PKHD1: variants seen among roughly 807,000 people sequenced by gnomAD.
The protein encoded by PKHD1 is fibrocystin.
A neutral mutation model predicts 412.0 loss-of-function variants in PKHD1; 291 were observed. The ratio of observed to expected loss-of-function variants is 0.71; its 90% confidence interval spans 0.64 to 0.78. PKHD1 has a LOEUF of 0.78. PKHD1 is among the 30% of genes least tolerant of loss of function. The probability of loss-of-function intolerance (pLI) is 0.00; values close to 1 mark genes in which losing one functional copy is unlikely to be tolerated. For missense variants in PKHD1, 4,825 were observed against 4,950.7 expected, an observed-to-expected ratio of 0.97 and a Z score of 0.76; for synonymous variants, 1,777 against 1,821.5, an observed-to-expected ratio of 0.98 and a Z score of 0.62.
intron 64 of PKHD1, among the ~76,000 whole-genome samples, chr6:51,633,533 A>G (rs928223289): frequency 6.6e-6 from 1 of 152,178 alleles, no homozygotes; most frequent in African/African-American, 2.4e-5. Context: ...CTCAGCCAAA[A>G]AAGAAAGAAA....
At chr6:52,017,180 T>A (rs1800665638) in intron 34 of PKHD1, among the ~76,000 whole-genome samples, 1 of 152,232 alleles carries the variant, frequency 6.6e-6, no homozygotes, top group Non-Finnish European at 1.5e-5. Flanking sequence ...CAAAGCGAGC[T>A]GTTTACTGGG....
chr6:52,062,659 G>T lies in PKHD1; in HGVS notation c.978C>A (p.Gly326=). 1 of 1,614,052 alleles carries T rather than the reference G, an allele frequency of 6.2e-7. No homozygotes were observed. The highest frequency in any genetic ancestry group is 8.5e-7 in the Non-Finnish European group (1 of 1,179,940). Residue 326 remains glycine (G), a splice_region_variant and synonymous_variant, in exon 14 of 67, where the codon GGC becomes GGA. Transcript: ENST00000371117. The part of the protein sequence containing the change: ...KDVRLTTPQP[G]NRGLLFEVGD... ...CAACTTCAAAAAGAAGCCCTCGATT[G>T]CCTGTAAGACATGTAGATCGCATAA...
At chr6:51,899,066 C>T (rs1051512843) in intron 43 of PKHD1, among the ~76,000 whole-genome samples, 1 of 152,216 alleles carries the variant, frequency 6.6e-6, no homozygotes, top group African/African-American at 2.4e-5. Context: ...GGCAGATTCA[C>T]AGCCGAATTC....
intron 35 of PKHD1, among the ~76,000 whole-genome samples, chr6:51,985,992 G>A (rs1796165976): frequency 6.6e-6 from 1 of 152,050 alleles, no homozygotes; most frequent in South Asian, 2.1e-4. Context: ...TTCACAAATG[G>A]TACCGGTCAT....
rs1385935333 is a variant in PKHD1, at chr6:51,638,903, C to T, written c.11452G>A (p.Val3818Ile). 2 of 1,613,310 alleles carry T rather than the reference C, an allele frequency of 1.2e-6. No homozygotes were observed. Among genetic ancestry groups the T allele is most frequent in the African/African-American group, 2.7e-5 (2 of 74,796 alleles). The change falls in exon 64 of 67, where the codon GTC (valine) becomes ATC (isoleucine). Residue 3818 changes from valine to isoleucine, a missense_variant. Val to Ile is a conservative substitution (Grantham distance 29). Coordinates refer to ENST00000371117, the MANE Select transcript of PKHD1 (RefSeq NM_138694.4). Reference sequence around the variant, plus strand: ...TGCCAGTTTGACCCAGAGATCAAGACTGCCAAGTTGTAGAAGCTAACATAA... The same window carrying T: ...TGCCAGTTTGACCCAGAGATCAAGATTGCCAAGTTGTAGAAGCTAACATAA... ...DGYVSFYNLA[V>I]LISGSNWHFI...
intron 21 of PKHD1, 33 bp downstream of exon 21, chr6:52,053,043 C>A: frequency 6.2e-7 from 1 of 1,605,434 alleles, no homozygotes; most frequent in South Asian, 1.1e-5. Flanking sequence ...GGCATGTGAC[C>A]GGCTTGTGGA....
chr6:51,782,000 T>C (rs1346343511), intron 53 of PKHD1, among the ~76,000 whole-genome samples: 1 of 151,650 alleles, frequency 6.6e-6, no homozygotes, highest in Non-Finnish European at 1.5e-5. Flanking sequence ...TCACTAGCTT[T>C]CCTAAAATTA....
intron 18 of PKHD1, among the ~76,000 whole-genome samples, chr6:52,056,430 C>T (rs1376391943): frequency 1.3e-5 from 2 of 151,954 alleles, no homozygotes; most frequent in East Asian, 1.9e-4. Context: ...CTTTTCCCAC[C>T]GTGTGGCATG....
rs1456178464 is a variant in PKHD1 at position 51,929,226 on chromosome 6, T to A, written c.6121+4884A>T. Among the ~76,000 whole-genome samples, 3 of 152,088 alleles carry A rather than the reference T, an allele frequency of 2.0e-5. No homozygotes were observed. In the South Asian group the frequency reaches 6.2e-4, roughly 32 times the overall value. ...ACCCTACATCAAAGAACAGACTTTATAGAAAATGTCCCAGAGCTAAATCAG... is the reference window on the plus strand; with the variant it reads ...ACCCTACATCAAAGAACAGACTTTAAAGAAAATGTCCCAGAGCTAAATCAG... On this transcript the variant is annotated intron_variant, in intron 37 of 66. Transcript: ENST00000371117.
At chr6:51,635,517 C>T (rs1413610217) in intron 64 of PKHD1, among the ~76,000 whole-genome samples, 1 of 152,110 alleles carries the variant, frequency 6.6e-6, no homozygotes, top group Non-Finnish European at 1.5e-5. Flanking sequence ...TAATGTCAAA[C>T]TAAGCAGAAT....
At position 51,868,962 on chromosome 6, in the gene PKHD1, C is replaced by G. The variant is rs377714452; in HGVS notation, c.7487-853G>C. On this transcript the variant is annotated intron_variant, in intron 47 of 66. Transcript: ENST00000371117. ...AAGGAAGAAAACTAAGTACACATCT[C>G]CCAGTACACATACTACCATACCATA... is the stretch of plus-strand genomic sequence containing the variant. Among the ~76,000 whole-genome samples, 46 of 151,936 alleles carry G rather than the reference C, an allele frequency of 3.0e-4. No homozygotes were observed. The East Asian group carries it at 6.6e-3, about 22-fold the overall frequency.
At chr6:51,867,235 T>C (rs559405949) in intron 48 of PKHD1, among the ~76,000 whole-genome samples, 37 of 152,262 alleles carry the variant, frequency 2.4e-4, no homozygotes, top group Admixed American at 2.3e-3. Flanking sequence ...CATTCAGCAA[T>C]CATTACCTGG....
Position 51,775,794 on chromosome 6 carries a change from T to C in PKHD1, c.8554+14A>G. On this transcript the variant is annotated intron_variant, in intron 54 of 66. Transcript: ENST00000371117. ...TGCATTTTATTTTTAATAAAAACTA[T>C]ATTATACTCTTACCAATTGTTCCTG... 1.7e-6 allele frequency: 2 copies of C among 1,177,652 alleles called. No individual in the cohort carries two copies. The highest frequency in any genetic ancestry group is 2.5e-6 in the Non-Finnish European group (2 of 785,274). The allele number at this position is 1,177,652 out of a possible 1,614,324, so 73.0% of individuals were successfully genotyped here. A position where few individuals can be genotyped will look rare whatever the true frequency, so the allele number is the denominator to read the frequency against.
chr6:51,943,099 C>T (rs1311843120), intron 36 of PKHD1, among the ~76,000 whole-genome samples: 2 of 151,568 alleles, frequency 1.3e-5, no homozygotes, highest in African/African-American at 4.8e-5. Context: ...GGGCTTCCCA[C>T]CTCTATACAG....
chr6:52,043,285 C>A, intron 26 of PKHD1, 151 bp from the exon 27 acceptor site: 1 of 675,728 alleles, frequency 1.5e-6, no homozygotes, highest in South Asian at 1.9e-5. Context: ...TAAATATTGG[C>A]CATCTGTATT....
Position 51,909,393 on chromosome 6 carries a change from G to T in PKHD1, c.6572C>A (p.Ser2191Tyr). ...RDMGARVIVQSFPEEPSQVQL... is the reference protein window; with the variant it reads ...RDMGARVIVQYFPEEPSQVQL... ...GACCTGGCTGGGCTCTTCTGGGAAG[G>T]ACTGAACGATCACTCTGGCTCCCAT... The change falls in exon 40 of 67, where the codon TCC becomes TAC. Residue 2191 changes from serine to tyrosine, a missense_variant. Physicochemically the swap from Ser to Tyr is moderately radical, Grantham distance 144. Transcript: ENST00000371117. 1 of 1,613,354 alleles carries T rather than the reference G, an allele frequency of 6.2e-7. No homozygotes were observed. Among genetic ancestry groups the T allele is most frequent in the South Asian group, 1.1e-5 (1 of 91,066 alleles).
At chr6:51,899,745 C>T (rs1425254875) in intron 43 of PKHD1, among the ~76,000 whole-genome samples, 3 of 152,224 alleles carry the variant, frequency 2.0e-5, no homozygotes, top group African/African-American at 4.8e-5. Flanking sequence ...TTACAGAAGA[C>T]ATGATTGTAT....
At chr6:51,649,391 T>C (rs1458632313) in intron 61 of PKHD1, among the ~76,000 whole-genome samples, 171 bp from the exon 62 acceptor site, 2 of 152,182 alleles carry the variant, frequency 1.3e-5, no homozygotes, top group Non-Finnish European at 2.9e-5. Flanking sequence ...TAATTGTGTA[T>C]GTATTTGATA....
At position 51,791,242 on chromosome 6, in the gene PKHD1, T is replaced by A. The variant is rs1246080748; in HGVS notation, c.8434A>T (p.Lys2812Ter). 1 of 1,613,848 alleles carries A rather than the reference T, an allele frequency of 6.2e-7. No individual in the cohort carries two copies. Among genetic ancestry groups the A allele is most frequent in the South Asian group, 1.1e-5 (1 of 91,078 alleles). ...TCCTTGTGCCTTTACTCACCAACTT[T>A]CAGCTCCCCGCCTGCAATGACCATG... ...ACMVIAGGEL[K>*]VGTLENPLEK... The change falls in exon 53 of 67, where the codon AAA (lysine) becomes TAA (stop). Residue 2812 changes from lysine (K) to a stop codon, truncating the protein, a stop_gained. Coordinates refer to ENST00000371117, the MANE Select transcript of PKHD1 (RefSeq NM_138694.4). LOFTEE classifies it high-confidence loss of function.
Sources: gnomAD v4.1 joint callset for allele counts (sites outside exome capture counted in the v4.1 genomes callset) on GRCh38, gnomAD v4.1.1 for gene constraint, MANE v1.5 for transcripts, NCBI Gene and HGNC (gene_info 2026-07-23, HGNC 2026-07-21) for gene names.